The following CNBD1 variants were observed in gnomAD, a reference collection of about 807,000 sequenced individuals.
CNBD1 encodes cyclic nucleotide-binding domain-containing protein 1.
Under a neutral mutation model 54.4 loss-of-function variants are expected in CNBD1, and 71 were observed. That is an observed-to-expected ratio of 1.30 (90% confidence interval 1.08 to 1.59). CNBD1 has a LOEUF of 1.59. Ranked by LOEUF, CNBD1 falls within the 40% of genes most tolerant of loss-of-function variation. CNBD1 has a pLI of 0.00. For missense variants in CNBD1, 659 were observed against 518.0 expected (o/e 1.27, Z -2.64); for synonymous variants, 182 against 170.7 (o/e 1.07, Z -0.51).
In CNBD1 at chr8:87,177,116, C is replaced by A. The variant is rs143408683; in HGVS notation, c.432-28877C>A. On this transcript the variant is annotated intron_variant, in intron 4 of 10. Transcript: ENST00000518476. The stretch of plus-strand genomic sequence containing the variant: ...GGTTAAATGAGGCAATGTAAGTAAA[C>A]CTGCACTGAAAAATTTAAAGGTTAT... 2.4e-4 allele frequency among the ~76,000 whole-genome samples: 37 copies of A among 152,082 alleles called. 1 individual carries two copies. The East Asian group carries it at 4.3e-3, about 18-fold the overall frequency.
At chr8:86,944,767 C>A (rs1207764122) in intron 4 of CNBD1, among the ~76,000 whole-genome samples, 2 of 152,042 alleles carry the variant, frequency 1.3e-5, no homozygotes, top group African/African-American at 2.4e-5. Flanking sequence ...GTGTGACTGG[C>A]ATGTTATGAT....
At chr8:87,266,706 T>A (rs1367147343) in intron 6 of CNBD1, among the ~76,000 whole-genome samples, 1 of 151,680 alleles carries the variant, frequency 6.6e-6, no homozygotes, top group African/African-American at 2.4e-5. Context: ...CCTACCTCGG[T>A]CTCCCAAAGT....
At chr8:87,370,605 T>A (rs573674197) in intron 10 of CNBD1, among the ~76,000 whole-genome samples, 522 of 152,238 alleles carry the variant, frequency 3.4e-3, no homozygotes, top group African/African-American at 0.012. Context: ...TTGTTTAAGT[T>A]CATTGTAGAT....
chr8:87,417,556 C>T lies in CNBD1; in HGVS notation c.214-10990C>T, dbSNP rs189870984. 4.6e-4 allele frequency among the ~76,000 whole-genome samples: 70 copies of T among 152,116 alleles called. No individual in the cohort carries two copies. In the Middle Eastern group the frequency reaches 0.01, roughly 22 times the overall value. ...GGAATAGAATTAACATTACCTCTCA[C>T]GTCTCTTTGCTGATGACATAATTGT... is the stretch of plus-strand genomic sequence containing the variant. On this transcript the variant is annotated intron_variant, in intron 2 of 7. Transcript: ENST00000521593.
chr8:86,944,910 G>T (rs1259887438), intron 4 of CNBD1, among the ~76,000 whole-genome samples: 3 of 152,166 alleles, frequency 2.0e-5, no homozygotes, highest in African/African-American at 4.8e-5. Context: ...TTGACATGAA[G>T]AATTTGATTT....
chr8:87,385,847 C>T (rs554052933), downstream of CNBD1, among the ~76,000 whole-genome samples: 4 of 152,264 alleles, frequency 2.6e-5, no homozygotes, highest in African/African-American at 9.6e-5. Context: ...CCCCGAGTAG[C>T]CTAACTGGGA....
At chr8:87,067,682 T>C (rs1013766584) in intron 4 of CNBD1, among the ~76,000 whole-genome samples, 13 of 151,976 alleles carry the variant, frequency 8.6e-5, no homozygotes, top group Non-Finnish European at 1.8e-4. Flanking sequence ...CATTTTTCAG[T>C]CTTCACAAAT....
chr8:87,302,042 C>T (rs1260348923), intron 8 of CNBD1, among the ~76,000 whole-genome samples: 2 of 152,076 alleles, frequency 1.3e-5, no homozygotes, highest in Non-Finnish European at 2.9e-5. Flanking sequence ...GATTCACAGC[C>T]GAATTCTACC....
At chr8:87,175,886 A>C (rs907038712) in intron 4 of CNBD1, among the ~76,000 whole-genome samples, 1 of 152,154 alleles carries the variant, frequency 6.6e-6, no homozygotes, top group African/African-American at 2.4e-5. Context: ...CTGGAACTCA[A>C]GTTCTGAGTG....
At chr8:87,373,887 C>T (rs954918177) in intron 10 of CNBD1, among the ~76,000 whole-genome samples, 5 of 151,404 alleles carry the variant, frequency 3.3e-5, no homozygotes, top group African/African-American at 9.7e-5. Flanking sequence ...ATTTTATAAA[C>T]TTGTTATCAC....
chr8:87,376,655 G>C (rs745389680), intron 10 of CNBD1, among the ~76,000 whole-genome samples: 47 of 151,980 alleles, frequency 3.1e-4, no homozygotes, highest in African/African-American at 1.1e-3. Flanking sequence ...AGCTAAAGCA[G>C]TGATTATTTA....
chr8:87,149,622 G>A (rs1196847032), intron 4 of CNBD1, among the ~76,000 whole-genome samples: 2 of 152,108 alleles, frequency 1.3e-5, no homozygotes, highest in Non-Finnish European at 2.9e-5. Flanking sequence ...ACTCTCTTGA[G>A]CATATATAAT....
At chr8:87,238,304 A>G (rs1330387030) in intron 6 of CNBD1, among the ~76,000 whole-genome samples, 2 of 152,234 alleles carry the variant, frequency 1.3e-5, no homozygotes, top group East Asian at 3.9e-4. Context: ...CAAGAAACCA[A>G]TGTGGAAACT....
chr8:87,171,732 G>A (rs1442714832), intron 4 of CNBD1, among the ~76,000 whole-genome samples: 2 of 151,696 alleles, frequency 1.3e-5, no homozygotes, highest in Non-Finnish European at 2.9e-5. Context: ...TTCATCTCCT[G>A]GGTTCAAGCA....
intron 8 of CNBD1, among the ~76,000 whole-genome samples, chr8:87,340,743 T>C (rs1489703625): frequency 6.6e-6 from 1 of 152,152 alleles, no homozygotes; most frequent in Non-Finnish European, 1.5e-5. Flanking sequence ...TCAGATATTC[T>C]ATTCCTGAGT....
intron 5 of CNBD1, among the ~76,000 whole-genome samples, chr8:87,213,349 A>G (rs1302165469): frequency 1.3e-5 from 2 of 152,148 alleles, no homozygotes; most frequent in Admixed American, 6.5e-5. Context: ...CACACTCCTA[A>G]TAAAGACATA....
At position 87,246,034 on chromosome 8, in the gene CNBD1, C is replaced by T. The variant is rs546431204; in HGVS notation, c.771+8922C>T. 6.6e-5 allele frequency among the ~76,000 whole-genome samples: 10 copies of T among 152,080 alleles called. No individual in the cohort carries two copies. The East Asian group carries it at 1.9e-3, about 29-fold the overall frequency. ...TATTTTACTTTAGTGCCTATTTTAT[C>T]TTCATAAAATTTTCCAGAACTACTG... On this transcript the variant is annotated intron_variant, in intron 6 of 10. Coordinates refer to ENST00000518476, the MANE Select transcript of CNBD1 (RefSeq NM_173538.3).
intron 3 of CNBD1, among the ~76,000 whole-genome samples, chr8:86,923,239 A>G (rs1447646766): frequency 1.3e-5 from 2 of 152,170 alleles, no homozygotes; most frequent in Non-Finnish European, 2.9e-5. Flanking sequence ...TGAAGTCCCT[A>G]TCAGTTATCC....
At chr8:87,256,199 T>A (rs1808022205) in intron 6 of CNBD1, among the ~76,000 whole-genome samples, 1 of 149,922 alleles carries the variant, frequency 6.7e-6, no homozygotes, top group Admixed American at 6.7e-5. Flanking sequence ...ATTTTTGTAT[T>A]TTTAGTAGAG....
Sources: allele counts gnomAD v4.1 joint callset (sites outside exome capture counted in the v4.1 genomes callset), GRCh38; gene constraint gnomAD v4.1.1; transcripts MANE v1.5; gene names NCBI Gene and HGNC (gene_info 2026-07-23, HGNC 2026-07-21).